The following ZNF385B variants were observed in gnomAD, a reference collection of about 807,000 sequenced individuals.
The protein encoded by ZNF385B is zinc finger protein 385B, also known as zinc finger protein 533.
Under a neutral mutation model 39.2 loss-of-function variants are expected in ZNF385B, and 23 were observed. The ratio of observed to expected loss-of-function variants is 0.59; its 90% CI spans 0.42 to 0.83. The LOEUF (loss-of-function observed/expected upper bound fraction) is 0.83, where lower values mean the gene tolerates loss of function less well. Ranked by LOEUF, ZNF385B falls within the 40% of genes least tolerant of loss-of-function variation. ZNF385B has a pLI of 0.00. For synonymous variants in ZNF385B, 205 were observed against 222.6 expected (o/e 0.92, Z 0.70); for missense variants, 552 against 598.9 (o/e 0.92, Z 0.82).
chr2:179,500,645 A>G (rs2056669062), intron 5 of ZNF385B, among the ~76,000 whole-genome samples: 1 of 152,146 alleles, frequency 6.6e-6, no homozygotes. Flanking sequence ...TAAAACTGCT[A>G]CAAGACTAAC....
chr2:179,760,223 C>CGCAT (rs11282329), intron 3 of ZNF385B, among the ~76,000 whole-genome samples: 1 of 144,476 alleles, frequency 6.9e-6, no homozygotes, highest in Non-Finnish European at 1.5e-5. Flanking sequence ...TTCCTGTGTG[C>CGCAT]GTGTGTGTGT....
intron 3 of ZNF385B, among the ~76,000 whole-genome samples, chr2:179,644,424 C>A (rs971238001): frequency 2.6e-5 from 4 of 152,158 alleles, no homozygotes; most frequent in Non-Finnish European, 4.4e-5. Context: ...CACACAGCCA[C>A]TGTACAAAAC....
At chr2:179,513,240 TA>T (rs1326510444) in intron 5 of ZNF385B, among the ~76,000 whole-genome samples, 1 of 152,100 alleles carries the variant, frequency 6.6e-6, no homozygotes, top group Non-Finnish European at 1.5e-5. Context: ...CCCCCCCAAA[TA>T]AAAAATGCTC....
chr2:179,636,484 G>GA (rs1453210613), intron 3 of ZNF385B, among the ~76,000 whole-genome samples: 4 of 152,300 alleles, frequency 2.6e-5, no homozygotes, highest in Non-Finnish European at 5.9e-5. Context: ...TGAGATGAAG[G>GA]AAAAGCTGGA....
chr2:179,745,700 TA>T (rs1702339866), intron 3 of ZNF385B: 1 of 1,539,796 alleles, frequency 6.5e-7, no homozygotes, highest in Non-Finnish European at 8.8e-7. Context: ...AGTTTTAGAA[TA>T]AAAACGCTCA....
At chr2:179,626,815 A>C (rs1010886796) in intron 3 of ZNF385B, among the ~76,000 whole-genome samples, 1 of 152,162 alleles carries the variant, frequency 6.6e-6, no homozygotes, top group African/African-American at 2.4e-5. Flanking sequence ...CCCAACTTAA[A>C]GAATTTGGGA....
chr2:179,629,858 A>T (rs1337927138), intron 3 of ZNF385B, among the ~76,000 whole-genome samples: 1 of 152,258 alleles, frequency 6.6e-6, no homozygotes, highest in East Asian at 1.9e-4. Context: ...AGACAAGCAG[A>T]TTCTCTACCA....
At chr2:179,519,627 T>C (rs1192770411) in intron 4 of ZNF385B, among the ~76,000 whole-genome samples, 1 of 152,170 alleles carries the variant, frequency 6.6e-6, no homozygotes, top group Non-Finnish European at 1.5e-5. Flanking sequence ...GACACAGCAG[T>C]GATTCTCTTG....
At chr2:179,738,659 G>A (rs1003775366) in intron 3 of ZNF385B, among the ~76,000 whole-genome samples, 3 of 152,230 alleles carry the variant, frequency 2.0e-5, no homozygotes, top group Admixed American at 1.3e-4. Context: ...TTAGAATCAC[G>A]TTGGGAGCTT....
chr2:179,715,825 AC>A lies in ZNF385B; in HGVS notation c.298+53677del, dbSNP rs1305623516. ...ATGGGTAAATGACTATTCATTATTT[AC>A]CCATCATAAAGTAATGATAAATACC... is the stretch of plus-strand genomic sequence containing the variant. On this transcript the variant is annotated intron_variant, in intron 3 of 9. Transcript: ENST00000410066. Among the ~76,000 whole-genome samples, 7 of 152,282 alleles carry A rather than the reference AC, an allele frequency of 4.6e-5. No homozygotes were observed. In the East Asian group the frequency reaches 1.3e-3, roughly 29 times the overall value.
chr2:179,478,553 C>T, intron 6 of ZNF385B, among the ~76,000 whole-genome samples: 1 of 152,154 alleles, frequency 6.6e-6, no homozygotes, highest in East Asian at 1.9e-4. Context: ...ATTATCTTTG[C>T]TCTTAATTGC....
intron 3 of ZNF385B, among the ~76,000 whole-genome samples, chr2:179,688,030 T>G (rs1421700866): frequency 6.6e-6 from 1 of 152,170 alleles, no homozygotes; most frequent in South Asian, 2.1e-4. Flanking sequence ...GTCTTTCTAA[T>G]CCTCTAGCTA....
intron 3 of ZNF385B, among the ~76,000 whole-genome samples, chr2:179,594,510 C>T (rs1199731217): frequency 1.3e-5 from 2 of 152,204 alleles, no homozygotes; most frequent in Admixed American, 6.5e-5. Flanking sequence ...ATCTAAGCCC[C>T]AATGTTCTGA....
intron 3 of ZNF385B, among the ~76,000 whole-genome samples, chr2:179,674,914 T>A (rs1017694342): frequency 2.0e-5 from 3 of 152,154 alleles, no homozygotes; most frequent in African/African-American, 7.2e-5. Flanking sequence ...AAATCCTATC[T>A]AACCCATGCA....
At chr2:179,663,667 G>T (rs1694769078) in intron 3 of ZNF385B, among the ~76,000 whole-genome samples, 1 of 123,918 alleles carries the variant, frequency 8.1e-6, no homozygotes, top group Non-Finnish European at 1.7e-5. Flanking sequence ...CCGAGATCGC[G>T]CCGCTGCATT....
intron 3 of ZNF385B, among the ~76,000 whole-genome samples, chr2:179,584,257 A>C (rs930052771): frequency 6.6e-6 from 1 of 152,072 alleles, no homozygotes; most frequent in African/African-American, 2.4e-5. Flanking sequence ...CCCTTGTTAT[A>C]ACAAAAAATA....
intron 3 of ZNF385B, among the ~76,000 whole-genome samples, chr2:179,738,635 A>G (rs2106444996): frequency 6.6e-6 from 1 of 152,270 alleles, no homozygotes; most frequent in African/African-American, 2.4e-5. Context: ...AGTGGTTTTA[A>G]CTGAGGCTGC....
At chr2:179,810,760 A>C (rs1021864692) in intron 1 of ZNF385B, among the ~76,000 whole-genome samples, 4 of 152,136 alleles carry the variant, frequency 2.6e-5, no homozygotes, top group Non-Finnish European at 5.9e-5. Context: ...AAGATGGTGG[A>C]ATAGAGGCTT....
chr2:179,806,681 G>C (rs1020170727), intron 1 of ZNF385B, among the ~76,000 whole-genome samples: 4 of 152,112 alleles, frequency 2.6e-5, no homozygotes, highest in African/African-American at 9.7e-5. Flanking sequence ...CACAATGTTG[G>C]TATGATTATT....
Sources: allele counts gnomAD v4.1 joint callset (sites outside exome capture counted in the v4.1 genomes callset), GRCh38; gene constraint gnomAD v4.1.1; transcripts MANE v1.5; gene names NCBI Gene and HGNC (gene_info 2026-07-23, HGNC 2026-07-21).